The following IQCH variants were observed in gnomAD, a reference collection of about 807,000 sequenced individuals.
IQCH encodes the protein IQ domain-containing protein H.
A neutral mutation model predicts 117.0 loss-of-function variants in IQCH; 98 were observed. The ratio of observed to expected loss-of-function variants is 0.84; its 90% confidence interval spans 0.71 to 0.99. IQCH has a LOEUF of 0.99. IQCH is among the 50% of genes least tolerant of loss of function. The pLI is 0.00. For missense variants in IQCH, 1,102 were observed against 1,243.8 expected, an observed-to-expected ratio of 0.89 and a Z score of 1.72; for synonymous variants, 412 against 448.2, an observed-to-expected ratio of 0.92 and a Z score of 1.02.
intron 3 of IQCH, among the ~76,000 whole-genome samples, chr15:67,272,370 A>G (rs1965933511): frequency 6.6e-6 from 1 of 152,202 alleles, no homozygotes; most frequent in Non-Finnish European, 1.5e-5. Flanking sequence ...AGAACGTTCC[A>G]TGTGCTGATA....
chr15:67,397,850 T>C (rs956654925), intron 13 of IQCH, among the ~76,000 whole-genome samples: 7 of 152,184 alleles, frequency 4.6e-5, no homozygotes, highest in African/African-American at 1.7e-4. Context: ...AAATCTAGCA[T>C]GAACACAGTG....
chr15:67,328,882 G>A (rs1299720527), intron 4 of IQCH, among the ~76,000 whole-genome samples: 1 of 152,124 alleles, frequency 6.6e-6, no homozygotes, highest in Non-Finnish European at 1.5e-5. Context: ...TTTGAGTTGT[G>A]GTAGTGACTG....
At chr15:67,256,297 A>C (rs551389869) in intron 1 of IQCH, among the ~76,000 whole-genome samples, 5 of 152,332 alleles carry the variant, frequency 3.3e-5, no homozygotes, top group African/African-American at 1.2e-4. Flanking sequence ...GATATGTGAC[A>C]ATATGCATAG....
intron 6 of IQCH, among the ~76,000 whole-genome samples, chr15:67,344,439 ACT>A (rs1278914504): frequency 1.4e-4 from 22 of 151,878 alleles, no homozygotes; most frequent in African/African-American, 5.1e-4. Context: ...TCCTTAACCA[ACT>A]CTGTCTTTCA....
At chr15:67,497,290 C>T (rs534193045) in intron 20 of IQCH, among the ~76,000 whole-genome samples, 12 of 151,296 alleles carry the variant, frequency 7.9e-5, no homozygotes, top group African/African-American at 2.9e-4. Context: ...ATGATCTGCA[C>T]TCCAGCCTGG....
chr15:67,290,451 G>T (rs1170461384), intron 4 of IQCH, among the ~76,000 whole-genome samples: 1 of 152,016 alleles, frequency 6.6e-6, no homozygotes, highest in Non-Finnish European at 1.5e-5. Flanking sequence ...TTCAATTGTG[G>T]TGATGATGTT....
rs1052148892 is a variant in IQCH at position 67,411,693 on chromosome 15, G to A, written c.2098-5238G>A. On this transcript the variant is annotated intron_variant, in intron 14 of 20. Coordinates refer to ENST00000335894, the MANE Select transcript of IQCH (RefSeq NM_001031715.3). The surrounding 1 kb of genome is among the most constrained non-coding windows in gnomAD (Gnocchi z 4.4). ...GCACTCTTGGAATTTACTTGGTTGG[G>A]GAAGCTAACTCTGTAGAGTTTGAAG... Among the ~76,000 whole-genome samples the A allele has an allele frequency of 6.6e-6, 1 of 152,134 alleles. No homozygotes were observed. The highest frequency in any genetic ancestry group is 1.5e-5 in the Non-Finnish European group (1 of 68,020).
At chr15:67,478,033 G>A (rs2083247233) in intron 18 of IQCH, among the ~76,000 whole-genome samples, 1 of 152,216 alleles carries the variant, frequency 6.6e-6, no homozygotes, top group South Asian at 2.1e-4. Flanking sequence ...GCAGGTGGAT[G>A]GCGCAGAGGA....
At chr15:67,354,598 G>A (rs527681152) in intron 6 of IQCH, among the ~76,000 whole-genome samples, 81 of 118,454 alleles carry the variant, frequency 6.8e-4, no homozygotes, top group African/African-American at 2.3e-3. Flanking sequence ...TGAGGTCCTA[G>A]CACATGCAAT....
intron 4 of IQCH, among the ~76,000 whole-genome samples, chr15:67,297,246 A>C (rs1422475308): frequency 2.0e-5 from 3 of 152,278 alleles, no homozygotes; most frequent in East Asian, 3.9e-4. Context: ...TTACCTCTTA[A>C]TTTTAGTTGA....
rs2082729004 is a variant in IQCH, at chr15:67,459,123, T to C, written c.2506-6004T>C. On this transcript the variant is annotated intron_variant, in intron 16 of 20. Transcript: ENST00000335894. This position sits in a 1 kb window ranked among gnomAD's most constrained non-coding sequence, Gnocchi z 4.2. ...TTCTTTTGGGTCACAGATATTTGTC[T>C]CAGACCCTGATACCAAAAGCTGGGG... Among the ~76,000 whole-genome samples the C allele has an allele frequency of 6.6e-6, 1 of 152,178 alleles. No individual in the cohort carries two copies. Among genetic ancestry groups the C allele is most frequent in the Non-Finnish European group, 1.5e-5 (1 of 68,026 alleles).
rs2083338504 is a variant in IQCH at position 67,481,569 on chromosome 15, A to G, written c.2799+5751A>G. Among the ~76,000 whole-genome samples, 1 of 152,166 alleles carries G rather than the reference A, an allele frequency of 6.6e-6. No individual in the cohort carries two copies. Among genetic ancestry groups the G allele is most frequent in the Non-Finnish European group, 1.5e-5 (1 of 68,030 alleles). On this transcript the variant is annotated intron_variant, in intron 18 of 20. Transcript: ENST00000335894. The surrounding 1 kb of genome is among the most constrained non-coding windows in gnomAD (Gnocchi z 4.1). ...CACAGCCAAACCATATCAAGTACAT[A>G]TTTGCATTCAGAGAGACTCTCTCAG...
At chr15:67,462,467 G>A (rs1431527330) in intron 16 of IQCH, among the ~76,000 whole-genome samples, 3 of 150,826 alleles carry the variant, frequency 2.0e-5, no homozygotes, top group Admixed American at 1.3e-4. Flanking sequence ...GCAATTTCAC[G>A]TGCATTTATT....
chr15:67,419,403 A>C (rs569735309), intron 15 of IQCH, among the ~76,000 whole-genome samples: 2 of 152,220 alleles, frequency 1.3e-5, no homozygotes, highest in Admixed American at 1.3e-4. Context: ...CAGGTTTCCC[A>C]ACTCTAAGGT....
intron 6 of IQCH, among the ~76,000 whole-genome samples, chr15:67,348,374 C>CACAT (rs1969501490): frequency 6.6e-6 from 1 of 151,724 alleles, no homozygotes; most frequent in Admixed American, 6.6e-5. Context: ...CACACACACA[C>CACAT]ACACACGCAC....
At chr15:67,313,333 T>G (rs1363881432) in intron 4 of IQCH, among the ~76,000 whole-genome samples, 1 of 152,102 alleles carries the variant, frequency 6.6e-6, no homozygotes, top group Non-Finnish European at 1.5e-5. Flanking sequence ...GGTATACCAC[T>G]TAGTCTCTAA....
chr15:67,293,184 T>C (rs996363608), intron 4 of IQCH, among the ~76,000 whole-genome samples: 14 of 152,242 alleles, frequency 9.2e-5, no homozygotes, highest in African/African-American at 2.9e-4. Context: ...TGTTGATAAG[T>C]ACTAATCAAC....
chr15:67,430,148 A>G lies in IQCH; in HGVS notation c.2505+8571A>G, dbSNP rs1482373348. On this transcript the variant is annotated intron_variant, in intron 16 of 20. Coordinates refer to ENST00000335894, the MANE Select transcript of IQCH (RefSeq NM_001031715.3). This position sits in a 1 kb window ranked among gnomAD's most constrained non-coding sequence, Gnocchi z 5.1. ...GGCACTCCAGAATACACAGAGCTAC[A>G]AGGCAGCCATGTTGGAGATCTGGCC... 1.3e-5 allele frequency among the ~76,000 whole-genome samples: 2 copies of G among 152,148 alleles called. No individual in the cohort carries two copies. Among genetic ancestry groups the G allele is most frequent in the Non-Finnish European group, 2.9e-5 (2 of 68,038 alleles).
rs1035493483 is a variant in IQCH at position 67,445,295 on chromosome 15, T to C, written c.2506-19832T>C. 2.6e-5 allele frequency among the ~76,000 whole-genome samples: 4 copies of C among 152,258 alleles called. No individual in the cohort carries two copies. Among genetic ancestry groups the C allele is most frequent in the African/African-American group, 9.6e-5 (4 of 41,472 alleles). ...ATATTCCTTTAAACATATATTTTGC[T>C]TTCTTAAACATAAGATTCATTGTGT... On this transcript the variant is annotated intron_variant, in intron 16 of 20. Transcript: ENST00000335894. The surrounding 1 kb of genome is among the most constrained non-coding windows in gnomAD (Gnocchi z 4.3).
Sources: allele counts gnomAD v4.1 joint callset (sites outside exome capture counted in the v4.1 genomes callset), GRCh38; gene constraint gnomAD v4.1.1; non-coding constraint Gnocchi (gnomAD v3.1); transcripts MANE v1.5; gene names NCBI Gene and HGNC (gene_info 2026-07-23, HGNC 2026-07-21).